The following INSC variants were observed in gnomAD, a reference collection of about 807,000 sequenced individuals.
INSC encodes protein inscuteable homolog.
In INSC, 67 loss-of-function variants were observed where a neutral mutation model predicts 58.6. The ratio of observed to expected loss-of-function variants is 1.14; its 90% CI spans 0.94 to 1.40. The LOEUF is 1.40. Ranked by LOEUF, INSC falls within the 40% of genes most tolerant of loss-of-function variation. INSC has a pLI of 0.00. For missense variants in INSC, 714 were observed against 692.0 expected, an observed-to-expected ratio of 1.03 and a Z score of -0.36; for synonymous variants, 262 against 276.1, an observed-to-expected ratio of 0.95 and a Z score of 0.51.
At chr11:15,185,842 A>G (rs1849945560) in intron 5 of INSC, among the ~76,000 whole-genome samples, 1 of 152,192 alleles carries the variant, frequency 6.6e-6, no homozygotes, top group Non-Finnish European at 1.5e-5. Context: ...CATTCTTTCC[A>G]ACTTTGTTTT....
In INSC at chr11:15,178,453, T is replaced by C. The variant is rs929271064; in HGVS notation, c.579+6T>C. ...CCCTGACACGGGAGGTTCAGGTCAG[T>C]GCAGGCTGGGCTGCAGGGAGGGGTG... On this transcript the variant is annotated splice_donor_region_variant and intron_variant, in intron 5 of 12. Transcript: ENST00000379556. 3 of 1,608,316 alleles carry C rather than the reference T, an allele frequency of 1.9e-6. No individual in the cohort carries two copies. Among genetic ancestry groups the C allele is most frequent in the East Asian group, 4.5e-5 (2 of 44,868 alleles).
Position 15,175,819 on chromosome 11 carries a change from T to C in INSC, c.135T>C (p.Cys45=). ...LKLMTECECM[C]VLQAKPISLE... ...TCATGACCGAGTGCGAGTGCATGTGTGTCCTGCAGGCCAAGCCCATCAGCC... is the reference window on the plus strand; with the variant it reads ...TCATGACCGAGTGCGAGTGCATGTGCGTCCTGCAGGCCAAGCCCATCAGCC... The change falls in exon 3 of 13, where the codon TGT becomes TGC. Residue 45 remains cysteine (C), a synonymous_variant. Coordinates refer to ENST00000379556, the MANE Select transcript of INSC (RefSeq NM_001042536.3). 1 of 1,610,442 alleles carries C rather than the reference T, an allele frequency of 6.2e-7. No individual in the cohort carries two copies. The highest frequency in any genetic ancestry group is 1.3e-5 in the African/African-American group (1 of 74,990).
chr11:15,130,160 G>A (rs1848092026), intron 1 of INSC, among the ~76,000 whole-genome samples: 1 of 152,150 alleles, frequency 6.6e-6, no homozygotes, highest in African/African-American at 2.4e-5. Flanking sequence ...TCTTTATTTT[G>A]TTTCTGATCT....
intron 1 of INSC, among the ~76,000 whole-genome samples, chr11:15,147,919 C>T (rs1013524828): frequency 6.6e-6 from 1 of 152,198 alleles, no homozygotes; most frequent in East Asian, 1.9e-4. Flanking sequence ...TGGAGTAAGA[C>T]TCTTCTGTTG....
intron 6 of INSC, among the ~76,000 whole-genome samples, chr11:15,196,684 GC>G (rs1416429573): frequency 1.3e-5 from 2 of 152,154 alleles, no homozygotes. Flanking sequence ...GATGACAGCT[GC>G]AGTAAAGTAG....
At chr11:15,206,662 C>T (rs187171371) in intron 7 of INSC, among the ~76,000 whole-genome samples, 4 of 152,186 alleles carry the variant, frequency 2.6e-5, no homozygotes, top group African/African-American at 7.2e-5. Context: ...GGTGAACTGG[C>T]ATTACCAAGG....
At chr11:15,155,012 C>T (rs1029980680) in intron 2 of INSC, among the ~76,000 whole-genome samples, 2 of 152,104 alleles carry the variant, frequency 1.3e-5, no homozygotes, top group Non-Finnish European at 2.9e-5. Context: ...TTATAGAAGC[C>T]CCTTGGTATA....
At chr11:15,218,499 A>T (rs1410529626) in intron 7 of INSC, among the ~76,000 whole-genome samples, 1 of 152,196 alleles carries the variant, frequency 6.6e-6, no homozygotes, top group African/African-American at 2.4e-5. Flanking sequence ...GATATTAGGC[A>T]TATACATCTA....
At chr11:15,241,628 T>G (rs964491267) in intron 12 of INSC, 1 of 703,046 alleles carries the variant, frequency 1.4e-6, no homozygotes, top group African/African-American at 1.7e-5. Flanking sequence ...CTGTGGTTTT[T>G]ATTTTGGCAC....
At chr11:15,129,702 T>G (rs1294795383) in intron 1 of INSC, among the ~76,000 whole-genome samples, 1 of 152,244 alleles carries the variant, frequency 6.6e-6, no homozygotes, top group East Asian at 1.9e-4. Flanking sequence ...GAACTATACT[T>G]GACTTTTGAA....
chr11:15,243,894 T>C (rs1852457755), intron 12 of INSC, among the ~76,000 whole-genome samples: 1 of 146,320 alleles, frequency 6.8e-6, no homozygotes, highest in African/African-American at 2.6e-5. Context: ...CTATTTCTTT[T>C]TTTTTTTTCC....
chr11:15,180,687 G>A (rs549536117), intron 5 of INSC, among the ~76,000 whole-genome samples: 3 of 97,364 alleles, frequency 3.1e-5, no homozygotes, highest in Admixed American at 1.0e-4. Flanking sequence ...AGGAGTGAGG[G>A]GGGGGGCGGG....
intron 2 of INSC, among the ~76,000 whole-genome samples, chr11:15,161,642 C>A (rs539070783): frequency 3.9e-5 from 6 of 152,282 alleles, no homozygotes; most frequent in Admixed American, 3.9e-4. Context: ...TTGCAACCTG[C>A]TTAGCACCAA....
At chr11:15,174,573 A>T (rs558758635) in intron 2 of INSC, among the ~76,000 whole-genome samples, 79 of 152,294 alleles carry the variant, frequency 5.2e-4, no homozygotes, top group Middle Eastern at 3.4e-3. Context: ...TGGCAGGTGA[A>T]GAATGTTTGA....
At chr11:15,162,141 T>C (rs893518520) in intron 2 of INSC, among the ~76,000 whole-genome samples, 12 of 152,154 alleles carry the variant, frequency 7.9e-5, no homozygotes, top group African/African-American at 2.9e-4. Flanking sequence ...TGACAAGAGT[T>C]CTTGGGGGAC....
chr11:15,116,795 CTTTTCTTTCT>C (rs1847708146), intron 1 of INSC, among the ~76,000 whole-genome samples: 1 of 115,862 alleles, frequency 8.6e-6, no homozygotes, highest in Non-Finnish European at 1.9e-5. Flanking sequence ...CCTTTCTTTT[CTTTTCTTTCT>C]TTTCTTTCTT....
At chr11:15,155,545 C>A (rs1458326287) in intron 2 of INSC, among the ~76,000 whole-genome samples, 1 of 152,150 alleles carries the variant, frequency 6.6e-6, no homozygotes, top group African/African-American at 2.4e-5. Flanking sequence ...TCATGCGGAC[C>A]ATATTCTCAC....
chr11:15,225,594 CA>C, intron 8 of INSC, 55 bp from the exon 9 acceptor site: 3 of 1,535,038 alleles, frequency 2.0e-6, no homozygotes, highest in Non-Finnish European at 2.7e-6. Context: ...CCAAATGAGA[CA>C]AGTGATATGA....
At chr11:15,170,270 T>G (rs1182846082) in intron 2 of INSC, among the ~76,000 whole-genome samples, 1 of 151,488 alleles carries the variant, frequency 6.6e-6, no homozygotes, top group Admixed American at 6.6e-5. Context: ...ATTTCACTAG[T>G]TTTTTTTTCA....
Sources: gnomAD v4.1 joint callset for allele counts (sites outside exome capture counted in the v4.1 genomes callset) on GRCh38, gnomAD v4.1.1 for gene constraint, MANE v1.5 for transcripts, NCBI Gene and HGNC (gene_info 2026-07-23, HGNC 2026-07-21) for gene names.